SCAI: variants seen among roughly 807,000 people sequenced by gnomAD.
SCAI encodes the protein suppressor of cancer cell invasion.
A neutral mutation model predicts 92.2 loss-of-function variants in SCAI; 24 were observed. That is an observed-to-expected ratio of 0.26 (90% CI 0.19 to 0.37). SCAI has a LOEUF of 0.37. Ranked by LOEUF, SCAI falls within the 10% of genes least tolerant of loss-of-function variation. The pLI, the probability that SCAI is intolerant of heterozygous loss-of-function variation, is 1.00. For missense variants in SCAI, 450 were observed against 736.2 expected (o/e 0.61, Z 4.50); for synonymous variants, 261 against 258.6 (o/e 1.01, Z -0.09).
intron 13 of SCAI, among the ~76,000 whole-genome samples, chr9:124,998,007 G>T (rs1024898957): frequency 6.6e-6 from 1 of 151,844 alleles, no homozygotes; most frequent in South Asian, 2.1e-4. Flanking sequence ...GTCTCACTAA[G>T]TTGCCCAGGA....
intron 5 of SCAI, 100 bp from the exon 6 acceptor site, chr9:125,027,010 G>A (rs926430841): frequency 6.6e-5 from 35 of 531,608 alleles, no homozygotes; most frequent in Non-Finnish European, 1.1e-4. Context: ...GTGGCACGGG[G>A]TGCGGGGGTG....
rs1564391791 is a variant in SCAI at position 125,046,200 on chromosome 9, T to TAG, written c.230+9675_230+9676insCT. Reference sequence around the variant, plus strand: ...AAGTGAATAAAGAAATTGTGAGATATATATATATATATATATATATATATG... The same window carrying TAG: ...AAGTGAATAAAGAAATTGTGAGATATAGATATATATATATATATATATATATG... On this transcript the variant is annotated intron_variant, in intron 3 of 17. Transcript: ENST00000336505. 1.2e-4 allele frequency among the ~76,000 whole-genome samples: 14 copies of TAG among 119,930 alleles called. No individual in the cohort carries two copies. In the East Asian group the frequency reaches 3.5e-3, roughly 30 times the overall value. The allele number at this position is 119,930 out of a possible 152,430, so 78.7% of individuals were successfully genotyped here.
intron 6 of SCAI, among the ~76,000 whole-genome samples, chr9:125,026,598 T>C (rs1354593716): frequency 6.6e-6 from 1 of 152,204 alleles, no homozygotes; most frequent in Non-Finnish European, 1.5e-5. Context: ...AACCCTCCTT[T>C]GGCATTGTGA....
intron 2 of SCAI, among the ~76,000 whole-genome samples, chr9:125,093,540 A>C (rs1221646956): frequency 6.7e-6 from 1 of 149,346 alleles, no homozygotes; most frequent in Non-Finnish European, 1.5e-5. Context: ...ATGGCTTTAC[A>C]CACCAACTGG....
At chr9:125,087,840 A>C (rs1052401072) in intron 2 of SCAI, among the ~76,000 whole-genome samples, 2 of 152,206 alleles carry the variant, frequency 1.3e-5, no homozygotes, top group African/African-American at 4.8e-5. Flanking sequence ...GCATACTGAA[A>C]TATTTACAGA....
At chr9:125,084,803 G>A (rs1326058118) in intron 2 of SCAI, among the ~76,000 whole-genome samples, 1 of 151,984 alleles carries the variant, frequency 6.6e-6, no homozygotes, top group African/African-American at 2.4e-5. Context: ...ATTAAAAAGG[G>A]GTTATAACAT....
At chr9:124,992,065 C>A (rs1832140182) in intron 14 of SCAI, among the ~76,000 whole-genome samples, 1 of 152,036 alleles carries the variant, frequency 6.6e-6, no homozygotes, top group Admixed American at 6.6e-5. Flanking sequence ...TACAGGCTCA[C>A]AAAAACATGC....
chr9:124,958,904 CAAA>C (rs10713604), intron 17 of SCAI, among the ~76,000 whole-genome samples: 10 of 111,734 alleles, frequency 8.9e-5, no homozygotes, highest in South Asian at 2.8e-4. Flanking sequence ...GACTCAGTCT[CAAA>C]AAAAAAAAAA....
At chr9:125,118,361 T>A in intron 2 of SCAI, among the ~76,000 whole-genome samples, 1 of 151,336 alleles carries the variant, frequency 6.6e-6, no homozygotes. Context: ...AAAATAAAAA[T>A]AAAAAAATTA....
intron 14 of SCAI, among the ~76,000 whole-genome samples, chr9:124,986,926 T>C (rs569503389): frequency 1.2e-3 from 178 of 152,308 alleles, no homozygotes; most frequent in African/African-American, 4.1e-3. Context: ...AATCTGTAAG[T>C]CATTTTCACA....
chr9:124,990,063 A>G (rs1832086877), intron 14 of SCAI, among the ~76,000 whole-genome samples: 1 of 151,578 alleles, frequency 6.6e-6, no homozygotes, highest in Non-Finnish European at 1.5e-5. Context: ...AATCCGAGCT[A>G]CTCAGGAGGC....
intron 2 of SCAI, among the ~76,000 whole-genome samples, chr9:125,104,990 CTG>C (rs968546448): frequency 6.6e-6 from 1 of 150,766 alleles, no homozygotes; most frequent in African/African-American, 2.4e-5. Flanking sequence ...AGTGTCAACA[CTG>C]TTTTGTTTCC....
intron 15 of SCAI, chr9:124,975,374 CAG>C: frequency 2.2e-6 from 1 of 456,604 alleles, no homozygotes; most frequent in Non-Finnish European, 4.4e-6. Flanking sequence ...CCATCTCCCA[CAG>C]AGAGACATCA....
intron 2 of SCAI, among the ~76,000 whole-genome samples, chr9:125,090,873 C>T (rs1050185188): frequency 3.3e-5 from 5 of 152,102 alleles, no homozygotes; most frequent in African/African-American, 7.2e-5. Flanking sequence ...AATCCCAGCA[C>T]TTTGGGAGGC....
intron 2 of SCAI, among the ~76,000 whole-genome samples, chr9:125,089,361 A>T (rs182446817): frequency 6.6e-6 from 1 of 152,340 alleles, no homozygotes; most frequent in Non-Finnish European, 1.5e-5. Context: ...CCAAAAAAGC[A>T]GGAAAAGGTT....
At chr9:125,082,500 G>A (rs11795365) in intron 2 of SCAI, among the ~76,000 whole-genome samples, 26,441 of 152,122 alleles carry the variant, frequency 0.17, 2,583 homozygotes, top group African/African-American at 0.26. Context: ...GAGGGCCACC[G>A]TCTTCCAGAC....
At chr9:125,108,943 A>G (rs1834875587) in intron 2 of SCAI, among the ~76,000 whole-genome samples, 1 of 152,248 alleles carries the variant, frequency 6.6e-6, no homozygotes, top group South Asian at 2.1e-4. Context: ...GAAAAGATAG[A>G]GAAATCAGGT....
intron 3 of SCAI, among the ~76,000 whole-genome samples, chr9:125,032,036 C>T (rs1184862376): frequency 6.6e-6 from 1 of 151,654 alleles, no homozygotes; most frequent in African/African-American, 2.4e-5. Context: ...CAATCAGTAC[C>T]CCTATGACCA....
chr9:125,043,608 A>G (rs986579819), intron 3 of SCAI, among the ~76,000 whole-genome samples: 5 of 152,174 alleles, frequency 3.3e-5, no homozygotes, highest in Non-Finnish European at 5.9e-5. Flanking sequence ...CTACAGGTGC[A>G]TGGCACCACA....
Sources: gnomAD v4.1 joint callset for allele counts (sites outside exome capture counted in the v4.1 genomes callset) on GRCh38, gnomAD v4.1.1 for gene constraint, MANE v1.5 for transcripts, NCBI Gene and HGNC (gene_info 2026-07-23, HGNC 2026-07-21) for gene names.